PDCD1LG2: variants seen among roughly 807,000 people sequenced by gnomAD.
PDCD1LG2 encodes the protein B7 dendritic cell molecule.
Under a neutral mutation model 28.2 loss-of-function variants are expected in PDCD1LG2, and 32 were observed. That is an observed-to-expected ratio of 1.13 (90% CI 0.86 to 1.52). The LOEUF is 1.52. Ranked by LOEUF, PDCD1LG2 falls within the 40% of genes most tolerant of loss-of-function variation. PDCD1LG2 has a pLI of 0.00. For synonymous variants in PDCD1LG2, 116 were observed against 120.2 expected, an observed-to-expected ratio of 0.97 and a Z score of 0.23; for missense variants, 385 against 323.8, an observed-to-expected ratio of 1.19 and a Z score of -1.45.
At chr9:5,565,332 C>T (rs536989468) in intron 6 of PDCD1LG2, among the ~76,000 whole-genome samples, 46 of 152,230 alleles carry the variant, frequency 3.0e-4, no homozygotes, top group African/African-American at 1.1e-3. Flanking sequence ...CAGGTGCATG[C>T]CACCGTACCT....
At chr9:5,568,913 G>A (rs1394318667) in intron 6 of PDCD1LG2, among the ~76,000 whole-genome samples, 2 of 152,242 alleles carry the variant, frequency 1.3e-5, no homozygotes, top group South Asian at 2.1e-4. Flanking sequence ...TTTAAGCTGG[G>A]GATAATCAGG....
At chr9:5,511,187 C>A (rs763688304) in intron 1 of PDCD1LG2, among the ~76,000 whole-genome samples, 1 of 152,186 alleles carries the variant, frequency 6.6e-6, no homozygotes, top group Non-Finnish European at 1.5e-5. Flanking sequence ...ATTTAGCAGA[C>A]GGTGATCCCT....
At chr9:5,524,576 T>C (rs1820336205) in intron 2 of PDCD1LG2, among the ~76,000 whole-genome samples, 1 of 152,186 alleles carries the variant, frequency 6.6e-6, no homozygotes. Flanking sequence ...TTTTTTAAAA[T>C]CTTGTCATTT....
chr9:5,511,690 T>G (rs541491918), intron 1 of PDCD1LG2, among the ~76,000 whole-genome samples: 61 of 152,306 alleles, frequency 4.0e-4, no homozygotes, highest in African/African-American at 1.3e-3. Flanking sequence ...AAGCCTAAGA[T>G]TCTGTGAGTG....
chr9:5,537,298 T>C (rs568512425), intron 3 of PDCD1LG2, among the ~76,000 whole-genome samples: 1 of 152,332 alleles, frequency 6.6e-6, no homozygotes, highest in South Asian at 2.1e-4. Context: ...AATTCTATTA[T>C]ATAAAATCAT....
chr9:5,550,474 T>C (rs1294296741), intron 4 of PDCD1LG2, among the ~76,000 whole-genome samples: 2 of 152,212 alleles, frequency 1.3e-5, no homozygotes, highest in Non-Finnish European at 2.9e-5. Flanking sequence ...ACAGATTTAT[T>C]ATCTGATACT....
At chr9:5,535,083 G>A (rs1335254751) in intron 3 of PDCD1LG2, 33 bp downstream of exon 3, 3 of 1,543,270 alleles carry the variant, frequency 1.9e-6, no homozygotes, top group East Asian at 2.3e-5. Context: ...ATCCATGGAA[G>A]CATCTCTCCA....
chr9:5,524,039 G>T (rs1374383975), intron 2 of PDCD1LG2, among the ~76,000 whole-genome samples: 1 of 152,160 alleles, frequency 6.6e-6, no homozygotes, highest in African/African-American at 2.4e-5. Flanking sequence ...TATACTAATG[G>T]GGCAAAAGGA....
chr9:5,530,647 T>C (rs370259276), intron 2 of PDCD1LG2, among the ~76,000 whole-genome samples: 62 of 152,184 alleles, frequency 4.1e-4, no homozygotes, highest in African/African-American at 1.4e-3. Context: ...TTGCATCACT[T>C]CTTTGAGCCT....
chr9:5,537,494 G>C (rs942567691), intron 3 of PDCD1LG2, among the ~76,000 whole-genome samples: 1 of 152,068 alleles, frequency 6.6e-6, no homozygotes, highest in African/African-American at 2.4e-5. Flanking sequence ...GTCCAACAAC[G>C]ATAGACTGGA....
chr9:5,543,028 A>G (rs10975174), intron 3 of PDCD1LG2, among the ~76,000 whole-genome samples: 9,564 of 152,222 alleles, frequency 0.063, 462 homozygotes, highest in Non-Finnish European at 0.094. Flanking sequence ...ATGGAATACT[A>G]CTTAGCTATG....
intron 5 of PDCD1LG2, among the ~76,000 whole-genome samples, chr9:5,562,839 ACTAAAG>A (rs1443607860): frequency 2.0e-5 from 3 of 152,226 alleles, no homozygotes; most frequent in African/African-American, 7.2e-5. Context: ...AGCAGTCAAG[ACTAAAG>A]CAGAAAAGGG....
At chr9:5,543,802 T>C (rs913682155) in intron 3 of PDCD1LG2, among the ~76,000 whole-genome samples, 2 of 107,820 alleles carry the variant, frequency 1.9e-5, no homozygotes, top group Non-Finnish European at 3.6e-5. Context: ...AGGAGTAAAA[T>C]AACACGTTTT....
At chr9:5,563,459 G>A in intron 6 of PDCD1LG2, among the ~76,000 whole-genome samples, 1 of 152,152 alleles carries the variant, frequency 6.6e-6, no homozygotes, top group East Asian at 1.9e-4. Flanking sequence ...GTCTCACATA[G>A]TTAGAAACAG....
At chr9:5,543,991 G>A (rs1032583080) in intron 3 of PDCD1LG2, among the ~76,000 whole-genome samples, 1 of 152,118 alleles carries the variant, frequency 6.6e-6, no homozygotes, top group Non-Finnish European at 1.5e-5. Flanking sequence ...CTAGAAACTT[G>A]CATAGATCCT....
intron 5 of PDCD1LG2, among the ~76,000 whole-genome samples, chr9:5,558,758 G>A (rs929323636): frequency 1.3e-5 from 2 of 152,194 alleles, no homozygotes; most frequent in South Asian, 2.1e-4. Flanking sequence ...ATTTCTAACT[G>A]TAGAATGCAA....
chr9:5,523,264 C>T (rs569870616), intron 2 of PDCD1LG2, among the ~76,000 whole-genome samples: 1 of 152,082 alleles, frequency 6.6e-6, no homozygotes, highest in Admixed American at 6.5e-5. Flanking sequence ...TCAGACCATT[C>T]GAGGGTGTAG....
intron 6 of PDCD1LG2, among the ~76,000 whole-genome samples, chr9:5,565,908 G>T (rs555258528): frequency 1.3e-5 from 2 of 152,046 alleles, no homozygotes; most frequent in African/African-American, 2.4e-5. Flanking sequence ...CTGATTTTAT[G>T]AGTATAAAAA....
At chr9:5,562,488 G>A (rs943004927) in intron 5 of PDCD1LG2, among the ~76,000 whole-genome samples, 1 of 152,158 alleles carries the variant, frequency 6.6e-6, no homozygotes, top group Non-Finnish European at 1.5e-5. Flanking sequence ...AGACTCAGAA[G>A]GAGAGAGTAG....
Sources: allele counts gnomAD v4.1 joint callset (sites outside exome capture counted in the v4.1 genomes callset), GRCh38; gene constraint gnomAD v4.1.1; transcripts MANE v1.5; gene names NCBI Gene and HGNC (gene_info 2026-07-23, HGNC 2026-07-21).